DNAI7: variants seen among roughly 807,000 people sequenced by gnomAD.
DNAI7 encodes the protein dynein axonemal intermediate chain 7.
DNAI7 carries 78 observed loss-of-function variants against 86.6 expected under a neutral mutation model. The ratio of observed to expected loss-of-function variants is 0.90; its 90% CI spans 0.75 to 1.09. The LOEUF is 1.09. Among genes scored for constraint, DNAI7 ranks in the 50% least tolerant of loss-of-function variants. DNAI7 has a pLI of 0.00. For synonymous variants in DNAI7, 274 were observed against 273.0 expected (o/e 1.00, Z -0.04); for missense variants, 753 against 810.2 (o/e 0.93, Z 0.86).
At chr12:25,109,366 T>C (rs993698207) in intron 15 of DNAI7, among the ~76,000 whole-genome samples, 2 of 152,176 alleles carry the variant, frequency 1.3e-5, no homozygotes, top group Admixed American at 1.3e-4. Flanking sequence ...GTCACAGATA[T>C]ATTAATGTTA....
At chr12:25,168,974 C>A (rs919070786) in intron 2 of DNAI7, among the ~76,000 whole-genome samples, 12 of 152,148 alleles carry the variant, frequency 7.9e-5, no homozygotes, top group African/African-American at 2.9e-4. Flanking sequence ...CCCATGCTGC[C>A]CCTAATCCCG....
At chr12:25,169,947 A>C (rs1343342167) in intron 2 of DNAI7, among the ~76,000 whole-genome samples, 1 of 152,150 alleles carries the variant, frequency 6.6e-6, no homozygotes, top group Non-Finnish European at 1.5e-5. Flanking sequence ...TCTAACACAT[A>C]AGGACTCACA....
At chr12:25,175,138 A>T (rs1307465512) in intron 2 of DNAI7, among the ~76,000 whole-genome samples, 1 of 152,158 alleles carries the variant, frequency 6.6e-6, no homozygotes, top group Non-Finnish European at 1.5e-5. Flanking sequence ...ATAAATTAAA[A>T]AAATAGACTC....
rs1555180893 is a variant in DNAI7, at chr12:25,173,879, A to ATACAC, written c.22-12683_22-12682insGTGTA. Among the ~76,000 whole-genome samples the ATACAC allele has an allele frequency of 2.1e-4, 31 of 146,386 alleles. 2 individuals carry two copies. Among genetic ancestry groups the ATACAC allele is most frequent in the Admixed American group, 1.7e-3 (24 of 14,440 alleles). ...TATGTATACCACATCATATATATAT[A>ATACAC]CACATCATTCATATATATACCACAT... On this transcript the variant is annotated intron_variant, in intron 2 of 15. Transcript: ENST00000395987.
At chr12:25,159,756 T>C (rs190434093) in intron 3 of DNAI7, among the ~76,000 whole-genome samples, 7 of 152,212 alleles carry the variant, frequency 4.6e-5, no homozygotes, top group South Asian at 2.1e-4. Context: ...CCCCAAGATA[T>C]AGATCCTGAT....
At chr12:25,177,502 G>A (rs965657221) in intron 2 of DNAI7, among the ~76,000 whole-genome samples, 2 of 152,152 alleles carry the variant, frequency 1.3e-5, no homozygotes, top group Admixed American at 1.3e-4. Context: ...ACATTGCTAT[G>A]GCTGTATATT....
intron 7 of DNAI7, among the ~76,000 whole-genome samples, chr12:25,149,048 G>A (rs1437615297): frequency 1.3e-5 from 2 of 151,784 alleles, no homozygotes; most frequent in African/African-American, 4.8e-5. Flanking sequence ...CCAGGTTGAA[G>A]TGCAGTGGTT....
intron 3 of DNAI7, among the ~76,000 whole-genome samples, chr12:25,160,130 T>A (rs976603115): frequency 1.3e-5 from 2 of 152,120 alleles, no homozygotes; most frequent in African/African-American, 4.8e-5. Context: ...TATTTATTCT[T>A]TTATTTTTAT....
chr12:25,147,492 C>T (rs1271139921), intron 7 of DNAI7, among the ~76,000 whole-genome samples: 1 of 147,222 alleles, frequency 6.8e-6, no homozygotes, highest in African/African-American at 2.5e-5. Context: ...CCCATCTCTA[C>T]AAAAAATTAG....
chr12:25,111,984 T>C (rs763444396), intron 13 of DNAI7, 45 bp from the exon 14 acceptor site: 2 of 1,308,288 alleles, frequency 1.5e-6, no homozygotes, highest in South Asian at 1.4e-5. Flanking sequence ...AGTTAAATCA[T>C]TACTTCAGTA....
intron 3 of DNAI7, among the ~76,000 whole-genome samples, chr12:25,159,141 C>A (rs1281234213): frequency 6.6e-6 from 1 of 152,200 alleles, no homozygotes; most frequent in African/African-American, 2.4e-5. Context: ...GACTCCCAGC[C>A]ATTGTCTCTT....
At chr12:25,120,285 G>C (rs375263473) in intron 11 of DNAI7, among the ~76,000 whole-genome samples, 1 of 135,058 alleles carries the variant, frequency 7.4e-6, no homozygotes, top group African/African-American at 2.5e-5. Flanking sequence ...TTAGGGGAGA[G>C]AGGGTGAGAA....
chr12:25,142,605 T>C lies in DNAI7; in HGVS notation c.1002+1760A>G, dbSNP rs77175825. 3.1e-4 allele frequency among the ~76,000 whole-genome samples: 47 copies of C among 152,264 alleles called. No individual in the cohort carries two copies. The East Asian group carries it at 7.9e-3, about 26-fold the overall frequency. ...GAAAAAAATGCTTTAGCCATGTAAATGCAAGTAATAGTTCAAATTTTATGG... is the reference window on the plus strand; with the variant it reads ...GAAAAAAATGCTTTAGCCATGTAAACGCAAGTAATAGTTCAAATTTTATGG... On this transcript the variant is annotated intron_variant, in intron 9 of 15. Transcript: ENST00000395987.
At chr12:25,123,898 G>A (rs750673948) in intron 9 of DNAI7, among the ~76,000 whole-genome samples, 2 of 152,042 alleles carry the variant, frequency 1.3e-5, no homozygotes, top group African/African-American at 2.4e-5. Flanking sequence ...AACACATCTT[G>A]CAAACAATCC....
intron 15 of DNAI7, among the ~76,000 whole-genome samples, chr12:25,109,432 G>T (rs950150521): frequency 2.6e-5 from 4 of 152,012 alleles, no homozygotes; most frequent in African/African-American, 4.8e-5. Flanking sequence ...TGCTGTTCAG[G>T]CTCGGGTGCA....
chr12:25,108,353 T>C lies in DNAI7; in HGVS notation c.*195A>G. On this transcript the variant is annotated 3_prime_UTR_variant, in exon 16 of 16. Transcript: ENST00000395987. ...AATCTTCATAGAGTGAAAGCTGAAA[T>C]TCTTAACAGGCCAAGTATTCAAAGG... 1.8e-6 allele frequency: 1 copy of C among 558,774 alleles called. No homozygotes were observed. The highest frequency in any genetic ancestry group is 3.0e-6 in the Non-Finnish European group (1 of 332,428). 34.6% of individuals were successfully genotyped at this position (558,774 alleles called of 1,614,324 possible).
chr12:25,138,271 C>T (rs1444534656), intron 9 of DNAI7, among the ~76,000 whole-genome samples: 1 of 152,058 alleles, frequency 6.6e-6, no homozygotes, highest in African/African-American at 2.4e-5. Flanking sequence ...GGAGACCAGC[C>T]GGGCCAAATG....
chr12:25,175,433 C>T (rs1437075756), intron 2 of DNAI7, among the ~76,000 whole-genome samples: 2 of 152,090 alleles, frequency 1.3e-5, no homozygotes, highest in Non-Finnish European at 2.9e-5. Context: ...AATCTTGGCT[C>T]AGTGAAACCT....
intron 10 of DNAI7, 79 bp from the exon 11 acceptor site, chr12:25,121,992 T>C: frequency 1.0e-6 from 1 of 1,001,572 alleles, no homozygotes; most frequent in African/African-American, 1.7e-5. Flanking sequence ...AAAATTCTCA[T>C]ACTGGTAAAG....
Sources: gnomAD v4.1 joint callset for allele counts (sites outside exome capture counted in the v4.1 genomes callset) on GRCh38, gnomAD v4.1.1 for gene constraint, MANE v1.5 for transcripts, NCBI Gene and HGNC (gene_info 2026-07-23, HGNC 2026-07-21) for gene names.